Variants in TPD52 observed in about 807,000 individuals in gnomAD.
TPD52 encodes the protein tumor protein D52.
A neutral mutation model predicts 31.3 loss-of-function variants in TPD52; 17 were observed. The observed-to-expected ratio is 0.54, with a 90% CI of 0.37 to 0.82. TPD52 has a LOEUF of 0.82. TPD52 is among the 40% of genes least tolerant of loss of function. The pLI, the probability that TPD52 is intolerant of heterozygous loss-of-function variation, is 0.00. For missense variants in TPD52, 212 were observed against 240.1 expected (o/e 0.88, Z 0.77); for synonymous variants, 83 against 89.6 (o/e 0.93, Z 0.42).
chr8:80,167,681 GTTAT>G (rs1811806052), intron 1 of TPD52, among the ~76,000 whole-genome samples: 2 of 152,110 alleles, frequency 1.3e-5, no homozygotes, highest in Admixed American at 1.3e-4. Context: ...CCACATTTCT[GTTAT>G]TTATTTCTAA....
intron 2 of TPD52, among the ~76,000 whole-genome samples, chr8:80,063,634 T>A (rs1164382102): frequency 1.3e-5 from 2 of 151,724 alleles, no homozygotes; most frequent in Non-Finnish European, 2.9e-5. Context: ...CCATCTCTAC[T>A]AAAAATACAA....
intron 1 of TPD52, among the ~76,000 whole-genome samples, chr8:80,152,267 TCAG>T (rs1214904304): frequency 1.3e-5 from 2 of 152,148 alleles, no homozygotes; most frequent in East Asian, 3.9e-4. Flanking sequence ...AGCCATATCC[TCAG>T]CAGGAGGATG....
At chr8:80,133,765 G>C (rs1443033551) in intron 1 of TPD52, among the ~76,000 whole-genome samples, 2 of 145,148 alleles carry the variant, frequency 1.4e-5, no homozygotes, top group Non-Finnish European at 1.5e-5. Flanking sequence ...TACCGCTGAT[G>C]CTAAAAAAAA....
chr8:80,074,791 A>C (rs1465282725), intron 1 of TPD52, among the ~76,000 whole-genome samples: 1 of 152,142 alleles, frequency 6.6e-6, no homozygotes, highest in Non-Finnish European at 1.5e-5. Context: ...TGACAACTTT[A>C]GATTCTTAAG....
At chr8:80,146,179 C>T (rs1353016504) in intron 1 of TPD52, among the ~76,000 whole-genome samples, 1 of 152,184 alleles carries the variant, frequency 6.6e-6, no homozygotes, top group African/African-American at 2.4e-5. Flanking sequence ...CGGAATCTAA[C>T]ATGAGGTAAG....
In TPD52 at chr8:80,071,209, G is replaced by A. The variant is rs549958009; in HGVS notation, c.20-6616C>T. ...AACCGGGTGATAAGCCACCCAGAAT[G>A]GCTACCGCAGCCCCAGGAGAATAAT... On this transcript the variant is annotated intron_variant, in intron 1 of 7. Transcript: ENST00000518937. 2.0e-5 allele frequency among the ~76,000 whole-genome samples: 3 copies of A among 152,244 alleles called. No individual in the cohort carries two copies. In the South Asian group the frequency reaches 6.2e-4, roughly 32 times the overall value.
chr8:80,117,360 C>G (rs898846409), intron 1 of TPD52, among the ~76,000 whole-genome samples: 4 of 151,942 alleles, frequency 2.6e-5, no homozygotes, highest in Non-Finnish European at 4.4e-5. Context: ...AATGAATAAC[C>G]TAAAATTGAA....
At chr8:80,038,716 A>G (rs1810098164) in intron 7 of TPD52, among the ~76,000 whole-genome samples, 1 of 152,160 alleles carries the variant, frequency 6.6e-6, no homozygotes, top group African/African-American at 2.4e-5. Context: ...TGGTTCAAGG[A>G]CCTACAGACT....
At chr8:80,112,345 G>A (rs1305672727) in intron 1 of TPD52, among the ~76,000 whole-genome samples, 2 of 152,060 alleles carry the variant, frequency 1.3e-5, no homozygotes, top group Non-Finnish European at 2.9e-5. Context: ...TATCTTGCTC[G>A]AGACCACCCA....
intron 1 of TPD52, among the ~76,000 whole-genome samples, chr8:80,162,642 A>G (rs1811436627): frequency 6.6e-6 from 1 of 151,954 alleles, no homozygotes; most frequent in Non-Finnish European, 1.5e-5. Flanking sequence ...GAAAAGAAAA[A>G]AAAGACAATA....
At chr8:80,056,895 G>A (rs1352219926) in intron 2 of TPD52, among the ~76,000 whole-genome samples, 3 of 152,172 alleles carry the variant, frequency 2.0e-5, no homozygotes, top group African/African-American at 7.2e-5. Context: ...CAGGCTGGGT[G>A]CAATGGCTCA....
At chr8:80,127,231 T>C (rs746903518) in intron 1 of TPD52, among the ~76,000 whole-genome samples, 1 of 152,166 alleles carries the variant, frequency 6.6e-6, no homozygotes, top group African/African-American at 2.4e-5. Flanking sequence ...ATGTAAAGAA[T>C]CTTTTGATAC....
intron 1 of TPD52, among the ~76,000 whole-genome samples, chr8:80,089,294 G>A (rs1271576422): frequency 2.0e-5 from 3 of 152,164 alleles, no homozygotes; most frequent in African/African-American, 4.8e-5. Context: ...AGAAGCCAAC[G>A]TGTGATACCC....
At chr8:80,149,184 C>T (rs1324021638) in intron 1 of TPD52, among the ~76,000 whole-genome samples, 1 of 152,104 alleles carries the variant, frequency 6.6e-6, no homozygotes, top group African/African-American at 2.4e-5. Flanking sequence ...GTGGGAGGGA[C>T]CCAGTGGGAG....
intron 5 of TPD52, among the ~76,000 whole-genome samples, chr8:80,049,003 C>T (rs1811120481): frequency 6.6e-6 from 1 of 152,092 alleles, no homozygotes; most frequent in African/African-American, 2.4e-5. Flanking sequence ...ATTAATAAGA[C>T]AGCACACACT....
At chr8:80,170,577 T>C (rs1405302913) in intron 1 of TPD52, among the ~76,000 whole-genome samples, 1 of 152,218 alleles carries the variant, frequency 6.6e-6, no homozygotes, top group Non-Finnish European at 1.5e-5. Flanking sequence ...GAGTGATTCC[T>C]ATCCTCACTT....
chr8:80,112,933 C>T (rs1290810552), intron 1 of TPD52, among the ~76,000 whole-genome samples: 1 of 152,134 alleles, frequency 6.6e-6, no homozygotes, highest in African/African-American at 2.4e-5. Context: ...CAAGTCTAAA[C>T]ATAAAATTCA....
At chr8:80,033,241 C>A (rs1042769216), downstream of TPD52, 1 of 150,398 alleles carries the variant, frequency 6.6e-6, no homozygotes, top group African/African-American at 2.5e-5. Context: ...TGGGGAACCC[C>A]AAGGTGTGGG....
intron 1 of TPD52, among the ~76,000 whole-genome samples, chr8:80,154,750 C>CAAAA (rs1488441445): frequency 1.5e-5 from 2 of 133,994 alleles, no homozygotes; most frequent in African/African-American, 6.5e-5. Flanking sequence ...CACACACACA[C>CAAAA]ACAAAACACC....
Sources: gnomAD v4.1 joint callset for allele counts (sites outside exome capture counted in the v4.1 genomes callset) on GRCh38, gnomAD v4.1.1 for gene constraint, MANE v1.5 for transcripts, NCBI Gene and HGNC (gene_info 2026-07-23, HGNC 2026-07-21) for gene names.